The following SMARCA2 variants were observed in gnomAD, a reference collection of about 807,000 sequenced individuals.
SMARCA2 encodes SWI/SNF related BAF chromatin remodeling complex subunit ATPase 2, also known as SWI/SNF-related matrix-associated actin-dependent regulator of chromatin subfamily A member 2.
In SMARCA2, 61 loss-of-function variants were observed where a neutral mutation model predicts 199.8. The ratio of observed to expected loss-of-function variants is 0.31; its 90% CI spans 0.25 to 0.38. The LOEUF (loss-of-function observed/expected upper bound fraction) is 0.38, where lower values mean the gene tolerates loss of function less well. SMARCA2 is among the 10% of genes least tolerant of loss of function. SMARCA2 has a pLI of 1.00. For synonymous variants in SMARCA2, 935 were observed against 732.0 expected (o/e 1.28, Z -4.48); for missense variants, 1,344 against 2,012.2 (o/e 0.67, Z 6.35).
intron 1 of SMARCA2, among the ~76,000 whole-genome samples, chr9:2,021,060 G>A (rs1440510604): frequency 6.6e-6 from 1 of 152,140 alleles, no homozygotes; most frequent in Non-Finnish European, 1.5e-5. Flanking sequence ...ATTTACAACA[G>A]TTTTTAAAAC....
At chr9:2,103,487 C>G (rs1440173264) in intron 22 of SMARCA2, among the ~76,000 whole-genome samples, 1 of 152,120 alleles carries the variant, frequency 6.6e-6, no homozygotes, top group Non-Finnish European at 1.5e-5. Flanking sequence ...CTCTGTTTTG[C>G]TTATTATTAT....
At chr9:2,140,069 G>C (rs1370702197) in intron 27 of SMARCA2, among the ~76,000 whole-genome samples, 1 of 152,140 alleles carries the variant, frequency 6.6e-6, no homozygotes, top group Non-Finnish European at 1.5e-5. Context: ...TGCAAAGGCG[G>C]TTTTGCTACT....
chr9:2,092,888 C>T (rs1156532961), intron 19 of SMARCA2, among the ~76,000 whole-genome samples: 1 of 152,132 alleles, frequency 6.6e-6, no homozygotes, highest in Non-Finnish European at 1.5e-5. Context: ...AAACAGATGC[C>T]ATCACATTTT....
At chr9:2,101,104 T>A (rs141471194) in intron 21 of SMARCA2, among the ~76,000 whole-genome samples, 145 of 152,276 alleles carry the variant, frequency 9.5e-4, no homozygotes, top group African/African-American at 3.4e-3. Flanking sequence ...CACATGGGAA[T>A]TATAGGAGCT....
chr9:2,020,196 C>G (rs1212489015), intron 1 of SMARCA2, among the ~76,000 whole-genome samples: 1 of 152,146 alleles, frequency 6.6e-6, no homozygotes, highest in Non-Finnish European at 1.5e-5. Context: ...AGTATGAAAG[C>G]CACATTTAGG....
chr9:2,181,636 A>T lies in SMARCA2; in HGVS notation c.4319A>T (p.Tyr1440Phe). The change falls in exon 30 of 34, where the codon TAT becomes TTT. Residue 1440 changes from tyrosine to phenylalanine, a missense_variant. Physicochemically the swap from Tyr to Phe is conservative, Grantham distance 22. Coordinates refer to ENST00000349721, the MANE Select transcript of SMARCA2 (RefSeq NM_003070.5). ...LPSRKELPEYYELIRKPVDFK... is the reference protein window; with the variant it reads ...LPSRKELPEYFELIRKPVDFK... Reference sequence around the variant, plus strand: ...TCAAGGAAAGAATTACCAGAATACTATGAATTAATTAGGAAGCCAGTGGAT... The same window carrying T: ...TCAAGGAAAGAATTACCAGAATACTTTGAATTAATTAGGAAGCCAGTGGAT... 1 of 1,586,060 alleles carries T rather than the reference A, an allele frequency of 6.3e-7. No homozygotes were observed. The highest frequency in any genetic ancestry group is 1.7e-4 in the Middle Eastern group (1 of 5,984).
chr9:2,108,082 T>G (rs879574895), intron 23 of SMARCA2, among the ~76,000 whole-genome samples: 1 of 152,120 alleles, frequency 6.6e-6, no homozygotes, highest in East Asian at 1.9e-4. Context: ...TCCTAGGACA[T>G]ACATACAAAA....
At chr9:2,064,646 G>A (rs1238478644) in intron 9 of SMARCA2, among the ~76,000 whole-genome samples, 1 of 152,076 alleles carries the variant, frequency 6.6e-6, no homozygotes, top group Non-Finnish European at 1.5e-5. Flanking sequence ...TATCTTTGAG[G>A]ACAGTGACAG....
chr9:2,088,748 T>C, intron 19 of SMARCA2, 135 bp downstream of exon 19: 2 of 652,442 alleles, frequency 3.1e-6, no homozygotes, highest in East Asian at 2.9e-5. Flanking sequence ...ATATCTTAAA[T>C]TGTTTTTTTG....
chr9:2,143,310 A>G (rs533505813), intron 27 of SMARCA2, among the ~76,000 whole-genome samples: 2 of 152,292 alleles, frequency 1.3e-5, no homozygotes, highest in Non-Finnish European at 2.9e-5. Context: ...TGGGGAGGAA[A>G]AATGAGGCTA....
intron 32 of SMARCA2, 54 bp from the exon 33 acceptor site, chr9:2,191,212 A>C (rs1335049865): frequency 3.8e-6 from 6 of 1,573,922 alleles, no homozygotes; most frequent in Non-Finnish European, 5.2e-6. Context: ...CCACCTATAC[A>C]AAGATCTCCT....
intron 27 of SMARCA2, among the ~76,000 whole-genome samples, chr9:2,150,755 C>G (rs771230107): frequency 6.6e-6 from 1 of 151,562 alleles, no homozygotes; most frequent in Non-Finnish European, 1.5e-5. Context: ...GATTTATTAT[C>G]TCACTGTGTG....
At position 2,016,092 on chromosome 9, in the gene SMARCA2, G is replaced by A. The variant is rs1018894807; in HGVS notation, c.-37+688G>A. The A allele has an allele frequency of 7.2e-5, 11 of 152,330 alleles. No homozygotes were observed. The highest frequency in any genetic ancestry group is 2.7e-4 in the African/African-American group (11 of 41,460). The allele number at this position is 152,330 out of a possible 1,614,324, so 9.4% of individuals were successfully genotyped here. On this transcript the variant is annotated intron_variant, in intron 1 of 33. Transcript: ENST00000349721. The surrounding 1 kb of genome is among the most constrained non-coding windows in gnomAD (Gnocchi z 5.6). Reference sequence around the variant, plus strand: ...CGGAGACGTGAGCGGATCGCAGCGGGAGAAGCCTGAGCTGACGCGCGAAGG... The same window carrying A: ...CGGAGACGTGAGCGGATCGCAGCGGAAGAAGCCTGAGCTGACGCGCGAAGG...
intron 27 of SMARCA2, among the ~76,000 whole-genome samples, chr9:2,130,702 C>T (rs1317936765): frequency 6.6e-6 from 1 of 152,096 alleles, no homozygotes; most frequent in Admixed American, 6.5e-5. Flanking sequence ...CATATACATA[C>T]ATACATACAT....
At chr9:2,185,123 C>T (rs1347876994) in intron 31 of SMARCA2, among the ~76,000 whole-genome samples, 1 of 152,140 alleles carries the variant, frequency 6.6e-6, no homozygotes, top group Non-Finnish European at 1.5e-5. Context: ...GGCAACAGAT[C>T]TTCAGAACTT....
intron 19 of SMARCA2, among the ~76,000 whole-genome samples, chr9:2,093,852 C>T (rs543936644): frequency 1.2e-3 from 178 of 152,272 alleles, no homozygotes; most frequent in African/African-American, 4.2e-3. Flanking sequence ...GACCTGTGCC[C>T]TGAAAGTAAC....
chr9:2,076,220 C>A lies in SMARCA2; in HGVS notation c.1936-9C>A. The A allele has an allele frequency of 6.6e-7, 1 of 1,507,860 alleles. No homozygotes were observed. Among genetic ancestry groups the A allele is most frequent in the Non-Finnish European group, 9.2e-7 (1 of 1,085,244 alleles). 93.4% of individuals were successfully genotyped at this position (1,507,860 alleles called of 1,614,324 possible). A position where few individuals can be genotyped will look rare whatever the true frequency, so the allele number is the denominator to read the frequency against. On this transcript the variant is annotated splice_polypyrimidine_tract_variant and intron_variant, in intron 12 of 33. Transcript: ENST00000349721. ...TATAATTTCCTCCCTATCTTTGTTC[C>A]TTTTCCAGGATGAGGAAGAAGAGTC...
At chr9:2,094,852 A>T (rs557485760) in intron 19 of SMARCA2, among the ~76,000 whole-genome samples, 5 of 152,144 alleles carry the variant, frequency 3.3e-5, no homozygotes, top group Non-Finnish European at 7.4e-5. Flanking sequence ...TTTTACCATT[A>T]TACTTGTTAA....
rs542474853 is a variant in SMARCA2, at chr9:2,173,397, C to T, written c.4253+2925C>T. Among the ~76,000 whole-genome samples, 250 of 152,170 alleles carry T rather than the reference C, an allele frequency of 1.6e-3. 1 individual carries two copies. The highest frequency in any genetic ancestry group is 5.6e-3 in the African/African-American group (231 of 41,502). On this transcript the variant is annotated intron_variant, in intron 29 of 33. Coordinates refer to ENST00000349721, the MANE Select transcript of SMARCA2 (RefSeq NM_003070.5). Reference sequence around the variant, plus strand: ...CATCTTGTATTACTGTAAATGAGAGCGAGAGGCTGTAATGATAGCTCTCAA... The same window carrying T: ...CATCTTGTATTACTGTAAATGAGAGTGAGAGGCTGTAATGATAGCTCTCAA...
Sources: allele counts gnomAD v4.1 joint callset (sites outside exome capture counted in the v4.1 genomes callset), GRCh38; gene constraint gnomAD v4.1.1; non-coding constraint Gnocchi (gnomAD v3.1); transcripts MANE v1.5; gene names NCBI Gene and HGNC (gene_info 2026-07-23, HGNC 2026-07-21).